Variants in ESR1 observed in about 807,000 individuals in gnomAD.
ESR1 encodes the protein estrogen receptor 1, also known as estrogen receptor.
Under a neutral mutation model 52.7 loss-of-function variants are expected in ESR1, and 12 were observed. The ratio of observed to expected loss-of-function variants is 0.23; its 90% confidence interval spans 0.15 to 0.37. The LOEUF is 0.37. ESR1 is among the 10% of genes least tolerant of loss of function. ESR1 has a pLI of 1.00. For missense variants in ESR1, 584 were observed against 779.7 expected, an observed-to-expected ratio of 0.75 and a Z score of 2.99; for synonymous variants, 305 against 316.8, an observed-to-expected ratio of 0.96 and a Z score of 0.39.
At chr6:151,765,335 T>C (rs949728871) in intron 2 of ESR1, among the ~76,000 whole-genome samples, 1 of 152,220 alleles carries the variant, frequency 6.6e-6, no homozygotes, top group Non-Finnish European at 1.5e-5. Flanking sequence ...AATGACTGAA[T>C]TGAGTATCAG....
At chr6:152,067,773 G>T (rs923194632) in intron 6 of ESR1, among the ~76,000 whole-genome samples, 1 of 152,144 alleles carries the variant, frequency 6.6e-6, no homozygotes, top group African/African-American at 2.4e-5. Context: ...GTTGCAGTGA[G>T]CCAAGATCGT....
At chr6:151,933,044 C>T (rs2033883453) in intron 3 of ESR1, among the ~76,000 whole-genome samples, 2 of 151,976 alleles carry the variant, frequency 1.3e-5, no homozygotes, top group Admixed American at 6.6e-5. Flanking sequence ...TTACCTTGGG[C>T]AGTATGGCCA....
At chr6:151,774,043 T>C (rs905814424) in intron 2 of ESR1, among the ~76,000 whole-genome samples, 2 of 152,182 alleles carry the variant, frequency 1.3e-5, no homozygotes, top group Non-Finnish European at 1.5e-5. Context: ...TAAGTATTTG[T>C]AGAGTTGGAA....
chr6:151,728,741 A>C lies in ESR1; in HGVS notation c.-71+26736A>C, dbSNP rs986651194. Reference sequence around the variant, plus strand: ...CCTCCACCCCTCACTGTTTACCAAAAAGAATGTCTGATGGTGCCCTGGGCA... The same window carrying C: ...CCTCCACCCCTCACTGTTTACCAAACAGAATGTCTGATGGTGCCCTGGGCA... On this transcript the variant is annotated intron_variant, in intron 2 of 2. Transcript: ENST00000404742. Among the ~76,000 whole-genome samples, 17 of 152,146 alleles carry C rather than the reference A, an allele frequency of 1.1e-4. 2 individuals are homozygous for C. Among genetic ancestry groups the C allele is most frequent in the Admixed American group, 1.1e-3 (17 of 15,274 alleles).
intron 6 of ESR1, among the ~76,000 whole-genome samples, chr6:152,063,094 A>G (rs3778079): frequency 0.22 from 34,003 of 152,018 alleles, 5,618 homozygotes; most frequent in African/African-American, 0.45. Context: ...CCTCAAGACT[A>G]TATTTCTCAC....
At chr6:152,010,247 T>C (rs1460734240) in intron 4 of ESR1, among the ~76,000 whole-genome samples, 2 of 152,102 alleles carry the variant, frequency 1.3e-5, no homozygotes, top group Non-Finnish European at 2.9e-5. Context: ...GAGCTTTTGT[T>C]ACCTCCAAGA....
chr6:152,117,577 A>G (rs1300433678), intron 6 of ESR1, among the ~76,000 whole-genome samples: 1 of 152,186 alleles, frequency 6.6e-6, no homozygotes, highest in Non-Finnish European at 1.5e-5. Context: ...TTTTAGAAAG[A>G]TTATATCCAA....
At chr6:152,029,068 G>A (rs1463413866) in intron 5 of ESR1, among the ~76,000 whole-genome samples, 2 of 152,226 alleles carry the variant, frequency 1.3e-5, no homozygotes, top group African/African-American at 2.4e-5. Flanking sequence ...TGACAGACCT[G>A]CAGCTGAGGG....
intron 4 of ESR1, among the ~76,000 whole-genome samples, chr6:151,963,412 GACTTC>G (rs768297588): frequency 3.3e-5 from 5 of 152,154 alleles, no homozygotes; most frequent in Non-Finnish European, 7.3e-5. Context: ...TCAGTCCTGG[GACTTC>G]ACCCACCCTC....
intron 2 of ESR1, among the ~76,000 whole-genome samples, chr6:151,781,923 A>C (rs187263732): frequency 6.6e-6 from 1 of 152,216 alleles, no homozygotes; most frequent in Non-Finnish European, 1.5e-5. Flanking sequence ...GCTTTTTTGA[A>C]AAAGAAGTGT....
intron 2 of ESR1, among the ~76,000 whole-genome samples, chr6:151,879,535 G>A (rs1270590476): frequency 1.3e-5 from 2 of 152,168 alleles, no homozygotes; most frequent in African/African-American, 4.8e-5. Flanking sequence ...TGTGATCAAA[G>A]CCAATGAGTA....
At position 152,094,265 on chromosome 6, in the gene ESR1, T is replaced by C. The variant is rs2050436879; in HGVS notation, c.1370-120T>C. ...TTAAATGGGTCCAGAGCATCCCCAT[T>C]GCTAGACTACTGTGCTGAGGAAGGG... On this transcript the variant is annotated intron_variant, in intron 6 of 7. Transcript: ENST00000206249. This position sits in a 1 kb window ranked among gnomAD's most constrained non-coding sequence, Gnocchi z 4.6. 1.1e-6 allele frequency: 1 copy of C among 872,224 alleles called. No individual in the cohort carries two copies. The highest frequency in any genetic ancestry group is 1.6e-5 in the African/African-American group (1 of 60,854). The allele number at this position is 872,224 out of a possible 1,614,324, so 54.0% of individuals were successfully genotyped here.
exon 7 of ESR1, chr6:152,126,570 CAGAT>C (rs1458064029): frequency 6.6e-6 from 1 of 152,112 alleles, no homozygotes; most frequent in Non-Finnish European, 1.5e-5. Context: ...ACAGATATAT[CAGAT>C]AGTTCTGTCC....
chr6:151,831,682 T>C (rs1782443266), intron 1 of ESR1, among the ~76,000 whole-genome samples: 1 of 152,186 alleles, frequency 6.6e-6, no homozygotes, highest in Admixed American at 6.5e-5. Context: ...GTGCCTTGGC[T>C]ACCTTGGTTA....
chr6:152,006,899 T>G lies in ESR1; in HGVS notation c.1097-4757T>G, dbSNP rs540028590. Among the ~76,000 whole-genome samples the G allele has an allele frequency of 7.2e-5, 11 of 152,198 alleles. No homozygotes were observed. In the East Asian group the frequency reaches 2.1e-3, roughly 30 times the overall value. On this transcript the variant is annotated intron_variant, in intron 4 of 7. Transcript: ENST00000206249. ...CCACCTAGCTTTTTGTAAATAGCAC[T>G]CCTCAGGGAAATGTTGCTTTTTTCT...
intron 2 of ESR1, among the ~76,000 whole-genome samples, chr6:151,880,212 T>G (rs1792618012): frequency 7.0e-6 from 1 of 143,712 alleles, no homozygotes; most frequent in South Asian, 2.2e-4. Flanking sequence ...AGATGGATTC[T>G]CACTCTGTTG....
At chr6:151,769,160 A>G (rs1007804139) in intron 2 of ESR1, among the ~76,000 whole-genome samples, 4 of 152,194 alleles carry the variant, frequency 2.6e-5, no homozygotes, top group Non-Finnish European at 5.9e-5. Context: ...TCACCAAGAC[A>G]TTATCGGGAA....
chr6:151,887,510 G>A (rs1052742667), intron 3 of ESR1, among the ~76,000 whole-genome samples: 4 of 151,918 alleles, frequency 2.6e-5, no homozygotes, highest in Non-Finnish European at 5.9e-5. Context: ...GAAGCAGATC[G>A]TCATCTATGA....
intron 2 of ESR1, among the ~76,000 whole-genome samples, chr6:151,843,016 G>C (rs1044660127): frequency 1.3e-5 from 2 of 152,146 alleles, no homozygotes; most frequent in African/African-American, 4.8e-5. Context: ...CCTTCCTTTG[G>C]CAAGACTCAA....
Sources: allele counts gnomAD v4.1 joint callset (sites outside exome capture counted in the v4.1 genomes callset), GRCh38; gene constraint gnomAD v4.1.1; non-coding constraint Gnocchi (gnomAD v3.1); transcripts MANE v1.5; gene names NCBI Gene and HGNC (gene_info 2026-07-23, HGNC 2026-07-21).